Variants in ZNF746 observed in about 807,000 individuals in gnomAD.
ZNF746 encodes zinc finger protein 746, also known as parkin-interacting substrate.
A neutral mutation model predicts 41.0 loss-of-function variants in ZNF746; 13 were observed. The ratio of observed to expected loss-of-function variants is 0.32; its 90% CI spans 0.21 to 0.50. The LOEUF (loss-of-function observed/expected upper bound fraction) is 0.50, where lower values mean the gene tolerates loss of function less well. Ranked by LOEUF, ZNF746 falls within the 20% of genes least tolerant of loss-of-function variation. The pLI, the probability that ZNF746 is intolerant of heterozygous loss-of-function variation, is 0.98. For missense variants in ZNF746, 811 were observed against 922.9 expected (o/e 0.88, Z 1.57); for synonymous variants, 424 against 396.2 (o/e 1.07, Z -0.83).
rs563214885 is a variant in ZNF746, at chr7:149,493,698, G to C, written c.451+291C>G. Among the ~76,000 whole-genome samples, 4 of 152,330 alleles carry C rather than the reference G, an allele frequency of 2.6e-5. No individual in the cohort carries two copies. The South Asian group carries it at 8.3e-4, about 32-fold the overall frequency. On this transcript the variant is annotated intron_variant, in intron 3 of 6. Transcript: ENST00000458143. ...TTACATACTGGATCTGAGAGCAGAT[G>C]GGGCCTTCCCCGCTCCAAGTCAGCA...
chr7:149,479,393 G>A (rs1278711998), intron 4 of ZNF746, among the ~76,000 whole-genome samples: 1 of 152,154 alleles, frequency 6.6e-6, no homozygotes, highest in Non-Finnish European at 1.5e-5. Context: ...CTCATTTTAT[G>A]AGGCTAAGAC....
intron 4 of ZNF746, chr7:149,477,973 C>CG (rs1800369360): frequency 2.3e-6 from 1 of 437,266 alleles, no homozygotes; most frequent in Non-Finnish European, 4.1e-6. Context: ...AAGGCTGAGG[C>CG]GGGGGAGGGG....
At position 149,474,269 on chromosome 7, in the gene ZNF746, T is replaced by A. The variant is rs943378138; in HGVS notation, c.*115A>T. 2 of 1,228,692 alleles carry A rather than the reference T, an allele frequency of 1.6e-6. No individual in the cohort carries two copies. Among genetic ancestry groups the A allele is most frequent in the African/African-American group, 3.0e-5 (2 of 66,410 alleles). The allele number at this position is 1,228,692 out of a possible 1,614,324, so 76.1% of individuals were successfully genotyped here. On this transcript the variant is annotated 3_prime_UTR_variant, in exon 7 of 7. Transcript: ENST00000458143. This position sits in a 1 kb window ranked among gnomAD's most constrained non-coding sequence, Gnocchi z 6.3. Reference sequence around the variant, plus strand: ...CTCCAGTGATCATCAGTTCAGCAACTTGGACATTTGGTTCTCCCCGTCCCG... The same window carrying A: ...CTCCAGTGATCATCAGTTCAGCAACATGGACATTTGGTTCTCCCCGTCCCG...
At position 149,494,150 on chromosome 7, in the gene ZNF746, C is replaced by T. The variant is rs1272956689; in HGVS notation, c.325-35G>A. 24 of 1,613,924 alleles carry T rather than the reference C, an allele frequency of 1.5e-5. No homozygotes were observed. Among genetic ancestry groups the T allele is most frequent in the East Asian group, 1.3e-4 (6 of 44,874 alleles). On this transcript the variant is annotated intron_variant, in intron 2 of 6. Coordinates refer to ENST00000458143, the MANE Select transcript of ZNF746 (RefSeq NM_001394198.1). This position sits in a 1 kb window ranked among gnomAD's most constrained non-coding sequence, Gnocchi z 5.6. ...CAAGTGTCACACTCGCTCACCCACA[C>T]GCTCACGGGTTTGGCCGCTTGGGCT... is the stretch of plus-strand genomic sequence containing the variant.
chr7:149,488,510 A>G (rs1204855295), intron 4 of ZNF746: 1 of 152,258 alleles, frequency 6.6e-6, no homozygotes, highest in African/African-American at 2.4e-5. Context: ...TATCTAGAAC[A>G]CATACAAAGA....
intron 4 of ZNF746, chr7:149,491,751 G>C: frequency 1.6e-6 from 1 of 627,602 alleles, no homozygotes; most frequent in East Asian, 2.7e-5. Flanking sequence ...TCAGACGAAA[G>C]GGAAAACCAA....
Position 149,476,864 on chromosome 7 carries a change from C to T in ZNF746, c.883+58G>A, listed in dbSNP as rs558946755. The T allele has an allele frequency of 2.5e-6, 4 of 1,611,066 alleles. No individual in the cohort carries two copies. In the South Asian group the frequency reaches 4.4e-5, roughly 18 times the overall value. On this transcript the variant is annotated intron_variant, in intron 6 of 6. Coordinates refer to ENST00000458143, the MANE Select transcript of ZNF746 (RefSeq NM_001394198.1). ...CACCAGTGAAAATGGGATGCCTGGA[C>T]CGAGGTACTCCCCACAGGCAAGCAT... is the stretch of plus-strand genomic sequence containing the variant.
rs1161076682 is a variant in ZNF746, at chr7:149,494,811, A to G, written c.25-308T>C. ...GTGGGCTCCCTGAACATGGTATTGC[A>G]TCTTTTCATACCACTGTCCTTGACA... On this transcript the variant is annotated intron_variant, in intron 1 of 6. Coordinates refer to ENST00000458143, the MANE Select transcript of ZNF746 (RefSeq NM_001394198.1). This position sits in a 1 kb window ranked among gnomAD's most constrained non-coding sequence, Gnocchi z 5.6. Among the ~76,000 whole-genome samples the G allele has an allele frequency of 1.3e-5, 2 of 151,918 alleles. No homozygotes were observed. Among genetic ancestry groups the G allele is most frequent in the Non-Finnish European group, 1.5e-5 (1 of 67,970 alleles).
rs189915601 is a variant in ZNF746, at chr7:149,493,372, C to T, written c.452-400G>A. Reference sequence around the variant, plus strand: ...AAACAACCTCACGTCTGCACCTGCTCCTGCCCTCTCTAACAGGTCTCACTG... The same window carrying T: ...AAACAACCTCACGTCTGCACCTGCTTCTGCCCTCTCTAACAGGTCTCACTG... On this transcript the variant is annotated intron_variant, in intron 3 of 6. Transcript: ENST00000458143. Among the ~76,000 whole-genome samples the T allele has an allele frequency of 3.8e-3, 578 of 152,326 alleles. 1 individual carries two copies. Among genetic ancestry groups the T allele is most frequent in the Admixed American group, 6.6e-3 (101 of 15,306 alleles).
At chr7:149,486,544 G>C (rs1585732928) in intron 4 of ZNF746, among the ~76,000 whole-genome samples, 1 of 152,188 alleles carries the variant, frequency 6.6e-6, no homozygotes, top group South Asian at 2.1e-4. Flanking sequence ...ATGAGCTACA[G>C]CTATACTACA....
At chr7:149,484,504 C>T (rs889218411) in intron 4 of ZNF746, among the ~76,000 whole-genome samples, 21 of 152,094 alleles carry the variant, frequency 1.4e-4, no homozygotes, top group African/African-American at 3.1e-4. Flanking sequence ...TAGCCAAACA[C>T]AGACATAGGA....
At chr7:149,496,572 T>A (rs868287587) in intron 1 of ZNF746, among the ~76,000 whole-genome samples, 1 of 152,188 alleles carries the variant, frequency 6.6e-6, no homozygotes. Flanking sequence ...TTTCTGTGCC[T>A]GCACACGCCC....
intron 3 of ZNF746, among the ~76,000 whole-genome samples, 172 bp downstream of exon 3, chr7:149,493,817 G>A (rs1800892455): frequency 6.6e-6 from 1 of 152,164 alleles, no homozygotes; most frequent in Admixed American, 6.5e-5. Flanking sequence ...AGGGAGAAGG[G>A]AGCTTTTAAC....
intron 4 of ZNF746, among the ~76,000 whole-genome samples, chr7:149,480,119 C>T (rs1800442490): frequency 6.6e-6 from 1 of 152,104 alleles, no homozygotes; most frequent in Non-Finnish European, 1.5e-5. Flanking sequence ...AGCTGAGGAA[C>T]ACACACACAT....
chr7:149,480,492 G>C (rs1800453508), intron 4 of ZNF746, among the ~76,000 whole-genome samples: 1 of 152,014 alleles, frequency 6.6e-6, no homozygotes, highest in Non-Finnish European at 1.5e-5. Flanking sequence ...GAGTGCAGTG[G>C]CGCGATCTTG....
At position 149,497,609 on chromosome 7, in the gene ZNF746, G is replaced by GGCC; in HGVS notation, c.-76_-74dup. The GGCC allele has an allele frequency of 9.9e-7, 1 of 1,012,610 alleles. No homozygotes were observed. Among genetic ancestry groups the GGCC allele is most frequent in the Non-Finnish European group, 1.2e-6 (1 of 847,360 alleles). The allele number at this position is 1,012,610 out of a possible 1,614,324, so 62.7% of individuals were successfully genotyped here. A position where few individuals can be genotyped will look rare whatever the true frequency, so the allele number is the denominator to read the frequency against. Reference sequence around the variant, plus strand: ...GCCGCGCGCGGCACCACGCAGGCCCGGCCGCCCGGTGCTCTCCGCAGGCGG... The same window carrying GGCC: ...GCCGCGCGCGGCACCACGCAGGCCCGGCCGCCGCCCGGTGCTCTCCGCAGGCGG... On this transcript the variant is annotated 5_prime_UTR_variant, in exon 1 of 7. Transcript: ENST00000458143. This position sits in a 1 kb window ranked among gnomAD's most constrained non-coding sequence, Gnocchi z 4.2.
intron 5 of ZNF746, among the ~76,000 whole-genome samples, 200 bp downstream of exon 5, chr7:149,477,364 C>A (rs1658597361): frequency 6.6e-6 from 1 of 152,152 alleles, no homozygotes; most frequent in African/African-American, 2.4e-5. Context: ...CAGAGAGACA[C>A]CCAGGGACAG....
intron 4 of ZNF746, 131 bp from the exon 5 acceptor site, chr7:149,477,886 G>A (rs970732411): frequency 4.5e-5 from 32 of 711,662 alleles, no homozygotes; most frequent in African/African-American, 4.5e-4. Context: ...GGTGGGAAGG[G>A]AGGCAGCAGC....
At chr7:149,496,765 C>T in intron 1 of ZNF746, 6 of 970,816 alleles carry the variant, frequency 6.2e-6, no homozygotes, top group Non-Finnish European at 6.1e-6. Flanking sequence ...ACTCCTTCCC[C>T]CGGAGCCCAC....
Sources: gnomAD v4.1 joint callset for allele counts (sites outside exome capture counted in the v4.1 genomes callset) on GRCh38, gnomAD v4.1.1 for gene constraint, Gnocchi (gnomAD v3.1) non-coding constraint, MANE v1.5 for transcripts, NCBI Gene and HGNC (gene_info 2026-07-23, HGNC 2026-07-21) for gene names.